Variants in KCNK13 observed in about 807,000 individuals in gnomAD.
The protein encoded by KCNK13 is potassium two pore domain channel subfamily K member 13, also known as potassium channel subfamily K member 13.
A neutral mutation model predicts 23.4 loss-of-function variants in KCNK13; 12 were observed. The ratio of observed to expected loss-of-function variants is 0.51; its 90% CI spans 0.33 to 0.83. KCNK13 has a LOEUF of 0.83. Among genes scored for constraint, KCNK13 ranks in the 40% least tolerant of loss-of-function variants. The pLI, the probability that KCNK13 is intolerant of heterozygous loss-of-function variation, is 0.02. For missense variants in KCNK13, 463 were observed against 556.3 expected, an observed-to-expected ratio of 0.83 and a Z score of 1.69; for synonymous variants, 231 against 229.5, an observed-to-expected ratio of 1.01 and a Z score of -0.06.
At chr14:90,073,593 G>T (rs533888207) in intron 1 of KCNK13, among the ~76,000 whole-genome samples, 1 of 152,314 alleles carries the variant, frequency 6.6e-6, no homozygotes, top group South Asian at 2.1e-4. Flanking sequence ...GTGCTCCCCG[G>T]AGCCCGTGGG....
rs1363547564 is a variant in KCNK13 at position 90,105,358 on chromosome 14, G to C, written c.334+42819G>C. ...CTTCTCTCACCCCCTTGGTGAAGTA[G>C]TCCTCACCTCATTTATTCCCTCTAG... On this transcript the variant is annotated intron_variant, in intron 1 of 1. Coordinates refer to ENST00000282146, the MANE Select transcript of KCNK13 (RefSeq NM_022054.4). Among the ~76,000 whole-genome samples the C allele has an allele frequency of 2.6e-5, 4 of 152,114 alleles. No homozygotes were observed. In the East Asian group the frequency reaches 7.7e-4, roughly 29 times the overall value.
chr14:90,114,192 T>C (rs1252150299), intron 1 of KCNK13, among the ~76,000 whole-genome samples: 4 of 152,162 alleles, frequency 2.6e-5, no homozygotes, highest in Non-Finnish European at 5.9e-5. Flanking sequence ...AGCATCATAG[T>C]TGTTGCTGCC....
chr14:90,095,148 G>A lies in KCNK13; in HGVS notation c.334+32609G>A, dbSNP rs144027179. 3.5e-4 allele frequency among the ~76,000 whole-genome samples: 54 copies of A among 152,228 alleles called. No individual in the cohort carries two copies. The East Asian group carries it at 6.0e-3, about 17-fold the overall frequency. On this transcript the variant is annotated intron_variant, in intron 1 of 1. Coordinates refer to ENST00000282146, the MANE Select transcript of KCNK13 (RefSeq NM_022054.4). ...ATCTTTATGGGCAGAGAATCACAGC[G>A]TCTCTGTCAAAAAAGGCAACACCAT... is the stretch of plus-strand genomic sequence containing the variant.
At chr14:90,076,534 G>A (rs746253863) in intron 1 of KCNK13, among the ~76,000 whole-genome samples, 6 of 152,146 alleles carry the variant, frequency 3.9e-5, no homozygotes, top group African/African-American at 1.4e-4. Flanking sequence ...CCATCTGTAC[G>A]TGAGCTCAAT....
intron 1 of KCNK13, among the ~76,000 whole-genome samples, chr14:90,153,252 T>C (rs922497218): frequency 1.3e-5 from 2 of 152,148 alleles, no homozygotes; most frequent in African/African-American, 4.8e-5. Flanking sequence ...GCCCCAAGAA[T>C]AAGTAGGGCT....
chr14:90,096,114 A>G (rs536052967), intron 1 of KCNK13, among the ~76,000 whole-genome samples: 26 of 152,332 alleles, frequency 1.7e-4, no homozygotes, highest in Non-Finnish European at 2.4e-4. Context: ...GTGTTCAGCA[A>G]TCTGGAAGCT....
chr14:90,078,700 A>T (rs747189798), intron 1 of KCNK13, among the ~76,000 whole-genome samples: 3 of 152,260 alleles, frequency 2.0e-5, no homozygotes, highest in Middle Eastern at 3.4e-3. Flanking sequence ...AGTTGATTTC[A>T]TGGGCTAATG....
rs551076577 is a variant in KCNK13 at position 90,155,009 on chromosome 14, C to G, written c.335-29102C>G. On this transcript the variant is annotated intron_variant, in intron 1 of 1. Coordinates refer to ENST00000282146, the MANE Select transcript of KCNK13 (RefSeq NM_022054.4). ...GAACAAGACAGACAAAAATCTCTGT[C>G]CTAGTGGAACATACATTCTAATAGG... 1.3e-4 allele frequency among the ~76,000 whole-genome samples: 20 copies of G among 152,260 alleles called. No homozygotes were observed. In the South Asian group the frequency reaches 3.9e-3, roughly 30 times the overall value.
intron 1 of KCNK13, among the ~76,000 whole-genome samples, chr14:90,160,006 A>G (rs1004469003): frequency 3.9e-5 from 6 of 151,920 alleles, no homozygotes; most frequent in African/African-American, 1.5e-4. Context: ...GGGTTGCAGG[A>G]CAAGCCTCTG....
At chr14:90,168,132 G>C (rs1014605373) in intron 1 of KCNK13, among the ~76,000 whole-genome samples, 4 of 152,126 alleles carry the variant, frequency 2.6e-5, no homozygotes, top group Non-Finnish European at 5.9e-5. Context: ...CCAGCACTTT[G>C]GGAGGCTGAG....
chr14:90,108,281 G>A lies in KCNK13; in HGVS notation c.334+45742G>A, dbSNP rs188272541. The stretch of plus-strand genomic sequence containing the variant: ...CAATTGTTCTTTCTCTTTGGCACGC[G>A]TTTCTTACTGTTCTCCACGTGTCGG... On this transcript the variant is annotated intron_variant, in intron 1 of 1. Coordinates refer to ENST00000282146, the MANE Select transcript of KCNK13 (RefSeq NM_022054.4). Among the ~76,000 whole-genome samples the A allele has an allele frequency of 6.2e-4, 95 of 152,196 alleles. 1 individual carries two copies. The highest frequency in any genetic ancestry group is 1.6e-4 in the Non-Finnish European group (11 of 68,014).
At chr14:90,178,224 C>T (rs1890444172) in intron 1 of KCNK13, among the ~76,000 whole-genome samples, 1 of 65,678 alleles carries the variant, frequency 1.5e-5, no homozygotes, top group African/African-American at 5.5e-5. Flanking sequence ...AGACATATTC[C>T]TAAAAGCAAA....
chr14:90,110,192 C>T (rs975985675), intron 1 of KCNK13, among the ~76,000 whole-genome samples: 3 of 152,082 alleles, frequency 2.0e-5, no homozygotes, highest in Non-Finnish European at 4.4e-5. Context: ...CTTTAATGTG[C>T]GTGCAGATTA....
chr14:90,078,249 G>A (rs899687964), intron 1 of KCNK13, among the ~76,000 whole-genome samples: 1 of 151,940 alleles, frequency 6.6e-6, no homozygotes, highest in East Asian at 1.9e-4. Context: ...GCGAAACCCG[G>A]TCTCCACTAA....
At position 90,062,137 on chromosome 14, in the gene KCNK13, G is replaced by C. The variant is rs1888948639; in HGVS notation, c.-69G>C. On this transcript the variant is annotated 5_prime_UTR_variant, in exon 1 of 2. Coordinates refer to ENST00000282146, the MANE Select transcript of KCNK13 (RefSeq NM_022054.4). This position sits in a 1 kb window ranked among gnomAD's most constrained non-coding sequence, Gnocchi z 4.5. The stretch of plus-strand genomic sequence containing the variant: ...CTGAGCGCCGGGGCCCTTATTTCCC[G>C]GGGGTGTGGGCGAGACTCCGCCGAC... The C allele has an allele frequency of 1.2e-5, 13 of 1,052,826 alleles. No individual in the cohort carries two copies. Among genetic ancestry groups the C allele is most frequent in the Non-Finnish European group, 1.6e-5 (13 of 800,286 alleles). The allele number at this position is 1,052,826 out of a possible 1,614,324, so 65.2% of individuals were successfully genotyped here.
chr14:90,076,558 C>T (rs548132087), intron 1 of KCNK13, among the ~76,000 whole-genome samples: 3 of 152,274 alleles, frequency 2.0e-5, no homozygotes, highest in East Asian at 1.9e-4. Flanking sequence ...ATCTCATTGG[C>T]GCAAACCATG....
intron 1 of KCNK13, chr14:90,177,324 G>A (rs1171191556): frequency 2.0e-5 from 3 of 152,016 alleles, no homozygotes; most frequent in Non-Finnish European, 2.9e-5. Context: ...CACTTGGCTA[G>A]TCTTTAAAAA....
intron 1 of KCNK13, among the ~76,000 whole-genome samples, chr14:90,098,989 AT>A (rs1420101424): frequency 6.6e-6 from 1 of 151,814 alleles, no homozygotes; most frequent in Admixed American, 6.6e-5. Flanking sequence ...AAGGCAGAGA[AT>A]TGCTTGAACC....
At position 90,064,875 on chromosome 14, in the gene KCNK13, A is replaced by G. The variant is rs114886313; in HGVS notation, c.334+2336A>G. 2.8e-3 allele frequency among the ~76,000 whole-genome samples: 430 copies of G among 152,320 alleles called. 2 individuals carry two copies. Among genetic ancestry groups the G allele is most frequent in the African/African-American group, 9.5e-3 (393 of 41,576 alleles). On this transcript the variant is annotated intron_variant, in intron 1 of 1. Transcript: ENST00000282146. ...CAGGCCCGTATTAGGCACATACTGT[A>G]TGATTATTATGTGAATGTGCAATGC...
Sources: allele counts gnomAD v4.1 joint callset (sites outside exome capture counted in the v4.1 genomes callset), GRCh38; gene constraint gnomAD v4.1.1; non-coding constraint Gnocchi (gnomAD v3.1); transcripts MANE v1.5; gene names NCBI Gene and HGNC (gene_info 2026-07-23, HGNC 2026-07-21).